The following KCNAB1 variants were observed in gnomAD, a reference collection of about 807,000 sequenced individuals.
KCNAB1 encodes the protein voltage-gated potassium channel subunit beta-1.
A neutral mutation model predicts 64.6 loss-of-function variants in KCNAB1; 35 were observed. The ratio of observed to expected loss-of-function variants is 0.54; its 90% CI spans 0.41 to 0.72. The LOEUF is 0.72. Ranked by LOEUF, KCNAB1 falls within the 30% of genes least tolerant of loss-of-function variation. The pLI is 0.00. For missense variants in KCNAB1, 401 were observed against 512.9 expected (o/e 0.78, Z 2.11); for synonymous variants, 177 against 183.8 (o/e 0.96, Z 0.30).
rs1341965140 is a variant in KCNAB1 at position 156,336,692 on chromosome 3, C to T, written c.276-84924C>T. Among the ~76,000 whole-genome samples the T allele has an allele frequency of 2.6e-5, 4 of 152,136 alleles. No homozygotes were observed. The East Asian group carries it at 7.7e-4, about 29-fold the overall frequency. On this transcript the variant is annotated intron_variant, in intron 1 of 13. Coordinates refer to ENST00000490337, the MANE Select transcript of KCNAB1 (RefSeq NM_172160.3). ...CTTTTGCAGATTCTAAGGGAGTGTT[C>T]TTTCTTTTGAACAAGTGCTTTATCT...
At chr3:156,266,638 A>T (rs190178474) in intron 1 of KCNAB1, among the ~76,000 whole-genome samples, 10 of 152,356 alleles carry the variant, frequency 6.6e-5, no homozygotes, top group Admixed American at 1.3e-4. Flanking sequence ...ATTGCATAAA[A>T]TTCCTTTAAT....
intron 1 of KCNAB1, among the ~76,000 whole-genome samples, chr3:156,344,994 T>C (rs1724388784): frequency 6.6e-6 from 1 of 152,216 alleles, no homozygotes; most frequent in Admixed American, 6.5e-5. Context: ...ATGAGCTGCT[T>C]AAAATCTTTT....
chr3:156,283,568 G>C (rs1207460388), intron 1 of KCNAB1, among the ~76,000 whole-genome samples: 32 of 151,666 alleles, frequency 2.1e-4, no homozygotes, highest in Non-Finnish European at 3.5e-4. Context: ...TGTTTTCCAA[G>C]TTGGTTCCAT....
chr3:156,170,192 T>C (rs1051907111), intron 1 of KCNAB1, among the ~76,000 whole-genome samples: 35 of 151,780 alleles, frequency 2.3e-4, no homozygotes, highest in Non-Finnish European at 1.0e-4. Context: ...GTGGGGCCAA[T>C]CGTCATGGGT....
chr3:156,386,487 A>G (rs775613325), intron 1 of KCNAB1, among the ~76,000 whole-genome samples: 1 of 152,166 alleles, frequency 6.6e-6, no homozygotes, highest in African/African-American at 2.4e-5. Context: ...TCTGCATTCA[A>G]TTGACACTTC....
intron 8 of KCNAB1, among the ~76,000 whole-genome samples, chr3:156,496,854 C>T (rs564986217): frequency 4.6e-5 from 7 of 152,152 alleles, no homozygotes; most frequent in East Asian, 1.9e-4. Context: ...CAGATACAAC[C>T]AGGCAATGTG....
intron 1 of KCNAB1, among the ~76,000 whole-genome samples, chr3:156,353,992 C>T (rs966153210): frequency 1.3e-5 from 2 of 150,300 alleles, no homozygotes; most frequent in Non-Finnish European, 1.5e-5. Context: ...GATTTGGGGG[C>T]ATGTTAAAGG....
intron 8 of KCNAB1, among the ~76,000 whole-genome samples, chr3:156,504,139 A>T (rs1286342187): frequency 6.6e-6 from 1 of 152,170 alleles, no homozygotes. Context: ...TAGCTTCCAC[A>T]TATGAGTGAG....
intron 2 of KCNAB1, among the ~76,000 whole-genome samples, chr3:156,422,964 A>T (rs758442795): frequency 6.6e-6 from 1 of 152,228 alleles, no homozygotes; most frequent in Admixed American, 6.5e-5. Flanking sequence ...AATCCCGTCA[A>T]GTGGTGCTCA....
chr3:156,276,937 T>A lies in KCNAB1; in HGVS notation c.276-144679T>A, dbSNP rs545686077. Among the ~76,000 whole-genome samples, 3 of 152,332 alleles carry A rather than the reference T, an allele frequency of 2.0e-5. No individual in the cohort carries two copies. In the East Asian group the frequency reaches 5.8e-4, roughly 29 times the overall value. Reference sequence around the variant, plus strand: ...GGAATTTTTCCTTTGCATTCACAACTTGGCTGTTTGGCAAAAGTGGCCTAG... The same window carrying A: ...GGAATTTTTCCTTTGCATTCACAACATGGCTGTTTGGCAAAAGTGGCCTAG... On this transcript the variant is annotated intron_variant, in intron 1 of 13. Transcript: ENST00000490337.
chr3:156,459,820 C>A lies in KCNAB1; in HGVS notation c.438-7C>A. 1 of 1,603,708 alleles carries A rather than the reference C, an allele frequency of 6.2e-7. No homozygotes were observed. Among genetic ancestry groups the A allele is most frequent in the Non-Finnish European group, 8.5e-7 (1 of 1,171,544 alleles). On this transcript the variant is annotated splice_region_variant and splice_polypyrimidine_tract_variant and intron_variant, in intron 4 of 13. Transcript: ENST00000490337. ...CATTCTAAGACATTATCTGTTTCCC[C>A]TTCCAGGGCTGAAGTGATTCTGGGG...
At chr3:156,413,284 G>A (rs1714809158) in intron 1 of KCNAB1, among the ~76,000 whole-genome samples, 1 of 152,168 alleles carries the variant, frequency 6.6e-6, no homozygotes, top group South Asian at 2.1e-4. Flanking sequence ...AGGCCACAAT[G>A]TTTACGATGT....
intron 7 of KCNAB1, among the ~76,000 whole-genome samples, chr3:156,473,675 A>G (rs997320433): frequency 2.0e-5 from 3 of 152,234 alleles, no homozygotes; most frequent in Non-Finnish European, 4.4e-5. Flanking sequence ...CCTGTCAGAA[A>G]AGTAATTGTG....
chr3:156,527,931 G>A (rs968691515), intron 12 of KCNAB1, among the ~76,000 whole-genome samples: 2 of 152,168 alleles, frequency 1.3e-5, no homozygotes, highest in African/African-American at 4.8e-5. Context: ...GGACATACTT[G>A]CTAGTGACAC....
At chr3:156,439,777 G>A (rs1026714460) in intron 2 of KCNAB1, among the ~76,000 whole-genome samples, 1 of 152,208 alleles carries the variant, frequency 6.6e-6, no homozygotes, top group Non-Finnish European at 1.5e-5. Flanking sequence ...GGTGCCAGCA[G>A]GAAGAGAAAT....
intron 3 of KCNAB1, among the ~76,000 whole-genome samples, chr3:156,455,033 T>TATCAAAAGGATACAAACACCAA (rs1712296144): frequency 6.6e-6 from 1 of 152,176 alleles, no homozygotes; most frequent in Admixed American, 6.5e-5. Context: ...ATAGCTATTG[T>TATCAAAAGGATACAAACACCAA]ACTTCCAGAG....
At chr3:156,427,161 G>A (rs1715876802) in intron 2 of KCNAB1, among the ~76,000 whole-genome samples, 1 of 152,162 alleles carries the variant, frequency 6.6e-6, no homozygotes, top group Non-Finnish European at 1.5e-5. Flanking sequence ...GCATGGGGGT[G>A]GATGAGCTGA....
intron 1 of KCNAB1, among the ~76,000 whole-genome samples, chr3:156,307,549 G>C (rs1721585981): frequency 6.6e-6 from 1 of 152,144 alleles, no homozygotes; most frequent in Admixed American, 6.5e-5. Context: ...AGGGCCAACT[G>C]TAAAAAGAAA....
chr3:156,538,220 T>C lies in KCNAB1; in HGVS notation c.*1473T>C, dbSNP rs1719197954. ...GGCTATCTGAGGATGTACAAAATTC[T>C]CATTTAATTTTCTGGTCAGCAAGTT... On this transcript the variant is annotated 3_prime_UTR_variant, in exon 14 of 14. Coordinates refer to ENST00000490337, the MANE Select transcript of KCNAB1 (RefSeq NM_172160.3). 2.6e-5 allele frequency: 4 copies of C among 152,078 alleles called. No homozygotes were observed. Among genetic ancestry groups the C allele is most frequent in the South Asian group, 2.1e-4 (1 of 4,830 alleles). 9.4% of individuals were successfully genotyped at this position (152,078 alleles called of 1,614,324 possible). A position where few individuals can be genotyped will look rare whatever the true frequency, so the allele number is the denominator to read the frequency against.
Sources: allele counts gnomAD v4.1 joint callset (sites outside exome capture counted in the v4.1 genomes callset), GRCh38; gene constraint gnomAD v4.1.1; transcripts MANE v1.5; gene names NCBI Gene and HGNC (gene_info 2026-07-23, HGNC 2026-07-21).